The following CUX1 variants were observed in gnomAD, a reference collection of about 807,000 sequenced individuals.
CUX1 encodes the protein cut like homeobox 1.
A neutral mutation model predicts 158.8 loss-of-function variants in CUX1; 31 were observed. The observed-to-expected ratio is 0.20, with a 90% CI of 0.15 to 0.26. CUX1 has a LOEUF of 0.26. Ranked by LOEUF, CUX1 falls within the 10% of genes least tolerant of loss-of-function variation. CUX1 has a pLI of 1.00. For synonymous variants in CUX1, 879 were observed against 862.1 expected (o/e 1.02, Z -0.34); for missense variants, 1,589 against 2,014.6 (o/e 0.79, Z 4.04).
chr7:102,112,061 A>C, intron 7 of CUX1: 1 of 310,662 alleles, frequency 3.2e-6, no homozygotes, highest in East Asian at 5.7e-5. Context: ...ACACTTCTAA[A>C]TCACCAAACT....
At position 102,250,485 on chromosome 7, in the gene CUX1, C is replaced by A. The variant is rs1801387466; in HGVS notation, c.*1443C>A. 6.1e-6 allele frequency: 6 copies of A among 985,342 alleles called. No homozygotes were observed. Among genetic ancestry groups the A allele is most frequent in the Non-Finnish European group, 7.2e-6 (6 of 829,986 alleles). The allele number at this position is 985,342 out of a possible 1,614,324, so 61.0% of individuals were successfully genotyped here. On this transcript the variant is annotated 3_prime_UTR_variant, in exon 24 of 24. Coordinates refer to ENST00000292535, the MANE Select transcript of CUX1 (RefSeq NM_181552.4). ...TCTCTCTTCTTTCCCTTTTTCTTCC[C>A]ACCGCAAGCACTGATGACCCTGTTG...
chr7:102,154,242 T>C (rs1554504421), intron 8 of CUX1: 1 of 152,058 alleles, frequency 6.6e-6, no homozygotes, highest in Non-Finnish European at 1.5e-5. Flanking sequence ...TAGATGTAGA[T>C]GTTAGAAAGA....
intron 8 of CUX1, chr7:102,154,604 A>G (rs1836052781): frequency 7.9e-6 from 1 of 126,494 alleles, no homozygotes; most frequent in Non-Finnish European, 1.7e-5. Flanking sequence ...TTGTCTCCAA[A>G]TAAATAAATA....
chr7:101,862,751 C>T (rs192303929), intron 1 of CUX1, among the ~76,000 whole-genome samples: 4 of 152,080 alleles, frequency 2.6e-5, no homozygotes, highest in Admixed American at 1.3e-4. Context: ...TCCTTCCCAT[C>T]GTAAGTCCCC....
chr7:101,896,373 TTTG>T (rs1801521151), intron 1 of CUX1, among the ~76,000 whole-genome samples: 1 of 152,106 alleles, frequency 6.6e-6, no homozygotes, highest in Admixed American at 6.5e-5. Flanking sequence ...TCGGTGTGCG[TTTG>T]CAGAAACGTG....
intron 2 of CUX1, among the ~76,000 whole-genome samples, chr7:101,943,068 C>T (rs1285874224): frequency 6.8e-6 from 1 of 147,158 alleles, no homozygotes; most frequent in Non-Finnish European, 1.5e-5. Flanking sequence ...CCTCTCCATC[C>T]TGGTCAGTGC....
chr7:102,189,704 T>C (rs1554516389), intron 11 of CUX1, 109 bp from the exon 12 acceptor site: 1 of 1,180,612 alleles, frequency 8.5e-7, no homozygotes, highest in African/African-American at 1.5e-5. Flanking sequence ...TCGCAAGGGC[T>C]GGCTTCCCCT....
At chr7:101,972,632 C>T (rs574773750) in intron 2 of CUX1, among the ~76,000 whole-genome samples, 2 of 152,342 alleles carry the variant, frequency 1.3e-5, no homozygotes, top group South Asian at 2.1e-4. Flanking sequence ...TTCACGCGCC[C>T]TCACCACCTC....
intron 8 of CUX1, among the ~76,000 whole-genome samples, chr7:102,120,581 C>T (rs1487897342): frequency 4.6e-5 from 7 of 152,226 alleles, no homozygotes; most frequent in African/African-American, 1.7e-4. Flanking sequence ...TTACGAGGAA[C>T]TTCACTTAGG....
chr7:101,821,779 A>G (rs1239400515), intron 1 of CUX1, among the ~76,000 whole-genome samples: 1 of 120,680 alleles, frequency 8.3e-6, no homozygotes, highest in Non-Finnish European at 1.6e-5. Context: ...GGTTCAGGCC[A>G]TTCTCCTTCC....
chr7:102,231,103 T>C (rs1055726902), intron 21 of CUX1, among the ~76,000 whole-genome samples: 11 of 150,530 alleles, frequency 7.3e-5, no homozygotes, highest in Non-Finnish European at 1.5e-4. Context: ...GATCTCGGCT[T>C]ACTGCAATCT....
chr7:102,200,878 C>G (rs1795342039), intron 17 of CUX1, among the ~76,000 whole-genome samples: 1 of 151,546 alleles, frequency 6.6e-6, no homozygotes, highest in African/African-American at 2.4e-5. Flanking sequence ...AAAACACTAG[C>G]CAGGCATGGT....
chr7:101,849,339 C>G (rs766770698), intron 1 of CUX1, among the ~76,000 whole-genome samples: 1 of 151,236 alleles, frequency 6.6e-6, no homozygotes, highest in Non-Finnish European at 1.5e-5. Flanking sequence ...CCACCCTTCA[C>G]TCTCCAAAAG....
intron 11 of CUX1, among the ~76,000 whole-genome samples, chr7:102,182,235 G>A (rs1485377609): frequency 2.6e-5 from 4 of 152,216 alleles, no homozygotes; most frequent in African/African-American, 9.7e-5. Context: ...GGTGTTTGGT[G>A]ACAGTCACTT....
chr7:102,224,171 G>A (rs566006208), intron 20 of CUX1, among the ~76,000 whole-genome samples: 1 of 152,298 alleles, frequency 6.6e-6, no homozygotes, highest in South Asian at 2.1e-4. Flanking sequence ...CTCCCAGGAA[G>A]AGCATGCAGC....
intron 2 of CUX1, among the ~76,000 whole-genome samples, chr7:101,923,464 C>T (rs184115318): frequency 2.6e-5 from 4 of 152,314 alleles, no homozygotes; most frequent in East Asian, 1.9e-4. Flanking sequence ...TGACGTCAGT[C>T]GGCCCAGTCC....
chr7:102,198,707 T>A lies in CUX1; in HGVS notation c.1895-95T>A, dbSNP rs1401786868. ...AGGCAGCCCTGAGCCCTTTCTTTAGTGACAGGCGGCTCAGATTTCATGTCA... is the reference window on the plus strand; with the variant it reads ...AGGCAGCCCTGAGCCCTTTCTTTAGAGACAGGCGGCTCAGATTTCATGTCA... On this transcript the variant is annotated intron_variant, in intron 15 of 23. Coordinates refer to ENST00000292535, the MANE Select transcript of CUX1 (RefSeq NM_181552.4). 24 of 1,105,428 alleles carry A rather than the reference T, an allele frequency of 2.2e-5. No individual in the cohort carries two copies. The East Asian group carries it at 4.5e-4, about 21-fold the overall frequency. 68.5% of individuals were successfully genotyped at this position (1,105,428 alleles called of 1,614,324 possible). A position where few individuals can be genotyped will look rare whatever the true frequency, so the allele number is the denominator to read the frequency against.
intron 4 of CUX1, among the ~76,000 whole-genome samples, chr7:102,079,821 T>C (rs1487097618): frequency 2.6e-5 from 4 of 152,140 alleles, no homozygotes; most frequent in African/African-American, 9.7e-5. Flanking sequence ...GGGTGGCGGA[T>C]AATGTGCTGA....
intron 1 of CUX1, among the ~76,000 whole-genome samples, chr7:101,880,516 T>C (rs1799604444): frequency 6.6e-6 from 1 of 152,138 alleles, no homozygotes; most frequent in Non-Finnish European, 1.5e-5. Context: ...TCATAAACAT[T>C]TGAAATCTCC....
Sources: gnomAD v4.1 joint callset for allele counts (sites outside exome capture counted in the v4.1 genomes callset) on GRCh38, gnomAD v4.1.1 for gene constraint, MANE v1.5 for transcripts, NCBI Gene and HGNC (gene_info 2026-07-23, HGNC 2026-07-21) for gene names.